TPRG1: variants seen among roughly 807,000 people sequenced by gnomAD.
TPRG1 encodes the protein tumor protein p63-regulated gene 1 protein.
TPRG1 carries 29 observed loss-of-function variants against 29.3 expected under a neutral mutation model. The observed-to-expected ratio is 0.99, with a 90% confidence interval of 0.74 to 1.35. The LOEUF (loss-of-function observed/expected upper bound fraction) is 1.35, where lower values mean the gene tolerates loss of function less well. Ranked by LOEUF, TPRG1 falls within the 40% of genes most tolerant of loss-of-function variation. TPRG1 has a pLI of 0.00. For missense variants in TPRG1, 327 were observed against 335.0 expected, an observed-to-expected ratio of 0.98 and a Z score of 0.19; for synonymous variants, 130 against 116.8, an observed-to-expected ratio of 1.11 and a Z score of -0.73.
intron 1 of TPRG1, among the ~76,000 whole-genome samples, chr3:189,204,208 T>A (rs1733960830): frequency 6.6e-6 from 1 of 152,010 alleles, no homozygotes; most frequent in South Asian, 2.1e-4. Context: ...TCCCAATGAG[T>A]TTGTTGCAGG....
chr3:189,003,653 T>A (rs1429346605), intron 2 of TPRG1, among the ~76,000 whole-genome samples: 1 of 152,144 alleles, frequency 6.6e-6, no homozygotes, highest in African/African-American at 2.4e-5. Flanking sequence ...CTTTGGTGAC[T>A]GAGTATGACT....
intron 1 of TPRG1, among the ~76,000 whole-genome samples, chr3:189,123,264 T>C (rs1189522726): frequency 6.6e-6 from 1 of 152,200 alleles, no homozygotes; most frequent in African/African-American, 2.4e-5. Flanking sequence ...CAAGAGAATA[T>C]GGAGAAACAT....
intron 1 of TPRG1, among the ~76,000 whole-genome samples, chr3:189,106,852 A>T (rs2152200929): frequency 6.6e-6 from 1 of 152,268 alleles, no homozygotes; most frequent in Admixed American, 6.5e-5. Context: ...AAATGAAAAG[A>T]CTAACACAAA....
intron 4 of TPRG1, among the ~76,000 whole-genome samples, chr3:189,064,772 T>C (rs1716328883): frequency 6.6e-6 from 1 of 152,012 alleles, no homozygotes; most frequent in Non-Finnish European, 1.5e-5. Context: ...ATTCAACAAC[T>C]AAAAAAATAC....
At chr3:189,210,982 T>A (rs1176542731) in intron 2 of TPRG1, among the ~76,000 whole-genome samples, 1 of 152,192 alleles carries the variant, frequency 6.6e-6, no homozygotes, top group East Asian at 1.9e-4. Context: ...AGGTGGTTTA[T>A]TGATGAAAAA....
upstream of TPRG1, among the ~76,000 whole-genome samples, chr3:189,095,685 T>TTCATAAGTC (rs1403948124): frequency 2.0e-5 from 3 of 152,194 alleles, no homozygotes; most frequent in Admixed American, 6.5e-5. Flanking sequence ...GAATGTCTTG[T>TTCATAAGTC]TCATAAGTCT....
intron 1 of TPRG1, among the ~76,000 whole-genome samples, chr3:189,108,683 C>T (rs1254001688): frequency 6.6e-6 from 1 of 151,960 alleles, no homozygotes; most frequent in Non-Finnish European, 1.5e-5. Flanking sequence ...TGAAGAATAG[C>T]ATAATTTTAT....
rs905253911 is a variant in TPRG1 at position 189,274,858 on chromosome 3, C to CT, written c.480-35519dup. 9.4e-5 allele frequency among the ~76,000 whole-genome samples: 14 copies of CT among 148,706 alleles called. No homozygotes were observed. In the South Asian group the frequency reaches 1.1e-3, roughly 11 times the overall value. The stretch of plus-strand genomic sequence containing the variant: ...ACCTTAAATTGAATTTTGACCTGTG[C>CT]TTTTTTTTTCTTATAAAAATAAATA... On this transcript the variant is annotated intron_variant, in intron 4 of 5. Coordinates refer to ENST00000345063, the MANE Select transcript of TPRG1 (RefSeq NM_198485.4).
intron 1 of TPRG1, among the ~76,000 whole-genome samples, chr3:189,196,728 G>A (rs986736143): frequency 4.6e-5 from 7 of 151,874 alleles, no homozygotes; most frequent in Non-Finnish European, 8.8e-5. Context: ...ATATCACACT[G>A]GTATTCTTAT....
intron 4 of TPRG1, among the ~76,000 whole-genome samples, chr3:189,047,191 G>T (rs114807602): frequency 2.0e-4 from 30 of 152,102 alleles, no homozygotes; most frequent in African/African-American, 7.2e-4. Flanking sequence ...ATATATACAC[G>T]CATAGGTTGG....
chr3:189,117,207 G>A (rs563176638), intron 1 of TPRG1, among the ~76,000 whole-genome samples: 1 of 152,292 alleles, frequency 6.6e-6, no homozygotes, highest in African/African-American at 2.4e-5. Context: ...GGGTAAAGAG[G>A]AAAAGAAGGT....
At chr3:189,032,496 C>T (rs560948233) in intron 4 of TPRG1, among the ~76,000 whole-genome samples, 2 of 152,188 alleles carry the variant, frequency 1.3e-5, no homozygotes, top group Admixed American at 6.5e-5. Context: ...TTATTTCTCT[C>T]GTACATACGA....
At chr3:189,003,052 C>T (rs1271045673) in intron 2 of TPRG1, among the ~76,000 whole-genome samples, 2 of 152,072 alleles carry the variant, frequency 1.3e-5, no homozygotes, top group African/African-American at 4.8e-5. Flanking sequence ...AATATGAGCT[C>T]GGCTTAACCT....
chr3:189,118,322 C>G (rs1721420041), intron 1 of TPRG1, among the ~76,000 whole-genome samples: 1 of 152,110 alleles, frequency 6.6e-6, no homozygotes, highest in Non-Finnish European at 1.5e-5. Context: ...GAAGAAATTT[C>G]TAAGTGCCAG....
chr3:189,149,822 A>G (rs987097868), intron 4 of TPRG1, among the ~76,000 whole-genome samples: 1 of 151,932 alleles, frequency 6.6e-6, no homozygotes, highest in African/African-American at 2.4e-5. Flanking sequence ...ACATCTTTCC[A>G]ACCAGAGCCC....
In TPRG1 at chr3:189,053,287, A is replaced by G. The variant is rs980694432; in HGVS notation, c.-463+29341A>G. Among the ~76,000 whole-genome samples, 4 of 152,204 alleles carry G rather than the reference A, an allele frequency of 2.6e-5. No homozygotes were observed. The East Asian group carries it at 7.7e-4, about 29-fold the overall frequency. On this transcript the variant is annotated intron_variant, in intron 4 of 10. Coordinates refer to the TPRG1 transcript ENST00000433971. ...AGCTTCCTCACCTGTCTTAGCCTTCATAGAATTGAAGATAAAAGCAGCCCA... is the reference window on the plus strand; with the variant it reads ...AGCTTCCTCACCTGTCTTAGCCTTCGTAGAATTGAAGATAAAAGCAGCCCA...
intron 3 of TPRG1, among the ~76,000 whole-genome samples, chr3:189,234,006 G>A (rs919135748): frequency 6.6e-6 from 1 of 152,054 alleles, no homozygotes; most frequent in Admixed American, 6.6e-5. Flanking sequence ...AGGTAGCTGG[G>A]ACTATAGCCG....
At chr3:189,152,708 A>G (rs28549714) in intron 5 of TPRG1, among the ~76,000 whole-genome samples, 18 of 133,544 alleles carry the variant, frequency 1.3e-4, no homozygotes, top group South Asian at 2.7e-4. Context: ...ATTGCTACCC[A>G]ACATTATTAT....
chr3:189,073,247 T>G (rs1388103417), intron 4 of TPRG1, among the ~76,000 whole-genome samples: 1 of 152,224 alleles, frequency 6.6e-6, no homozygotes, highest in African/African-American at 2.4e-5. Context: ...GGGTTTTTCC[T>G]TGCCTTCTCC....
Sources: allele counts gnomAD v4.1 joint callset (sites outside exome capture counted in the v4.1 genomes callset), GRCh38; gene constraint gnomAD v4.1.1; transcripts MANE v1.5; gene names NCBI Gene and HGNC (gene_info 2026-07-23, HGNC 2026-07-21).